AATF: variants seen among roughly 807,000 people sequenced by gnomAD.
AATF encodes the protein protein AATF.
In AATF, 48 loss-of-function variants were observed where a neutral mutation model predicts 63.7. The observed-to-expected ratio is 0.75, with a 90% confidence interval of 0.60 to 0.96. AATF has a LOEUF of 0.96. Ranked by LOEUF, AATF falls within the 40% of genes least tolerant of loss-of-function variation. The pLI is 0.00. For synonymous variants in AATF, 258 were observed against 247.7 expected (o/e 1.04, Z -0.39); for missense variants, 639 against 685.7 (o/e 0.93, Z 0.76).
intron 8 of AATF, among the ~76,000 whole-genome samples, chr17:37,015,697 G>T (rs1307113309): frequency 6.6e-6 from 1 of 152,116 alleles, no homozygotes; most frequent in African/African-American, 2.4e-5. Context: ...TAATTTTGGG[G>T]GTGGGAGGGC....
At chr17:37,028,506 C>G (rs1156386077) in intron 10 of AATF, among the ~76,000 whole-genome samples, 1 of 152,090 alleles carries the variant, frequency 6.6e-6, no homozygotes, top group Non-Finnish European at 1.5e-5. Context: ...AAGAATTAGA[C>G]TGGGCATGGT....
intron 5 of AATF, among the ~76,000 whole-genome samples, chr17:36,988,215 G>A (rs1346278424): frequency 1.3e-5 from 2 of 152,144 alleles, no homozygotes; most frequent in Non-Finnish European, 2.9e-5. Context: ...TACCCATGAG[G>A]CTGAGGCATG....
At chr17:37,016,686 A>C (rs186943514) in intron 8 of AATF, among the ~76,000 whole-genome samples, 51 of 152,282 alleles carry the variant, frequency 3.3e-4, no homozygotes, top group Admixed American at 3.1e-3. Context: ...GTAAAATTGA[A>C]TTCTTCAGCC....
intron 11 of AATF, among the ~76,000 whole-genome samples, chr17:37,041,520 T>C (rs1188760838): frequency 6.6e-6 from 1 of 152,208 alleles, no homozygotes; most frequent in Non-Finnish European, 1.5e-5. Flanking sequence ...TTTTCTTTTT[T>C]TTTGAGACGG....
At chr17:36,976,369 G>A (rs1040208196) in intron 4 of AATF, among the ~76,000 whole-genome samples, 2 of 152,144 alleles carry the variant, frequency 1.3e-5, no homozygotes, top group African/African-American at 4.8e-5. Flanking sequence ...GTGCTTAGGC[G>A]AGTGTGTGGT....
chr17:37,008,360 A>G (rs1446455141), intron 8 of AATF, among the ~76,000 whole-genome samples: 2 of 152,234 alleles, frequency 1.3e-5, no homozygotes, highest in African/African-American at 4.8e-5. Context: ...GTCTTAAACT[A>G]CACAGGTAGT....
intron 2 of AATF, among the ~76,000 whole-genome samples, chr17:36,951,969 T>G (rs992414336): frequency 3.3e-5 from 5 of 152,336 alleles, no homozygotes; most frequent in South Asian, 2.1e-4. Flanking sequence ...TGGAACAGAT[T>G]GGATAAACTG....
chr17:36,955,040 A>T (rs1256806281), intron 4 of AATF, among the ~76,000 whole-genome samples: 2 of 152,160 alleles, frequency 1.3e-5, no homozygotes. Context: ...GGCCTCCCAA[A>T]GTGTTGGGAT....
At chr17:37,050,348 A>G (rs80197277) in intron 11 of AATF, among the ~76,000 whole-genome samples, 148 of 152,314 alleles carry the variant, frequency 9.7e-4, no homozygotes, top group African/African-American at 3.4e-3. Context: ...AAATCTAACA[A>G]AGTTCAAATA....
chr17:36,984,423 TTC>T (rs1188417580), intron 4 of AATF, among the ~76,000 whole-genome samples: 5 of 152,148 alleles, frequency 3.3e-5, no homozygotes, highest in Non-Finnish European at 7.4e-5. Flanking sequence ...AAGAAAAAAG[TTC>T]TGTTTCTGAC....
chr17:36,966,092 G>A (rs1415658597), intron 4 of AATF, among the ~76,000 whole-genome samples: 1 of 151,730 alleles, frequency 6.6e-6, no homozygotes, highest in African/African-American at 2.4e-5. Context: ...CATTTTCTCT[G>A]TTCTCCTAGA....
chr17:36,970,006 A>G (rs2071026489), intron 4 of AATF, among the ~76,000 whole-genome samples: 1 of 152,220 alleles, frequency 6.6e-6, no homozygotes, highest in South Asian at 2.1e-4. Flanking sequence ...GTTGCTGAGT[A>G]GTATCCCATT....
rs191968285 is a variant in AATF at position 36,950,053 on chromosome 17, G to A, written c.92-161G>A. ...ACTTTCTGTTTAGAAACAGCAGTAA[G>A]ACAGTGTTCTACTTTGGGAGAGAGT... On this transcript the variant is annotated intron_variant, in intron 1 of 11. Coordinates refer to ENST00000619387, the MANE Select transcript of AATF (RefSeq NM_012138.4). Among the ~76,000 whole-genome samples, 138 of 152,372 alleles carry A rather than the reference G, an allele frequency of 9.1e-4. 1 individual carries two copies. Among genetic ancestry groups the A allele is most frequent in the African/African-American group, 3.1e-3 (129 of 41,580 alleles).
intron 4 of AATF, among the ~76,000 whole-genome samples, chr17:36,966,508 T>A (rs1321219478): frequency 6.6e-6 from 1 of 152,162 alleles, no homozygotes; most frequent in Non-Finnish European, 1.5e-5. Flanking sequence ...GCTCAAGTGA[T>A]CCTCCCGCCT....
chr17:37,016,008 G>T (rs549485276), intron 8 of AATF, among the ~76,000 whole-genome samples: 1 of 152,318 alleles, frequency 6.6e-6, no homozygotes, highest in Admixed American at 6.5e-5. Context: ...AAGTGGTTCT[G>T]CTCCTTCTCT....
chr17:37,056,637 C>G lies in AATF; in HGVS notation c.1656C>G (p.His552Gln), dbSNP rs530840597. 1.9e-6 allele frequency: 3 copies of G among 1,614,254 alleles called. No individual in the cohort carries two copies. In the South Asian group the frequency reaches 3.3e-5, roughly 18 times the overall value. The change falls in exon 12 of 12, where the codon CAC becomes CAG. Residue 552 changes from histidine (H) to glutamine (Q), a missense_variant. Physicochemically the swap from His to Gln is conservative, Grantham distance 24 (BLOSUM62 0). Transcript: ENST00000619387. ...ACCGCTCTCTTTTTGGCCAGCTCCA[C>G]CCTCCCGACGAAGGCCACGGGGATT... is the stretch of plus-strand genomic sequence containing the variant. ...ELYRSLFGQL[H>Q]PPDEGHGD
intron 4 of AATF, among the ~76,000 whole-genome samples, chr17:36,955,478 A>C (rs2070892130): frequency 6.6e-6 from 1 of 152,012 alleles, no homozygotes; most frequent in Non-Finnish European, 1.5e-5. Flanking sequence ...TTCTCTCTCA[A>C]ATAGATGACA....
intron 11 of AATF, among the ~76,000 whole-genome samples, chr17:37,048,804 T>C (rs1027358220): frequency 6.6e-6 from 1 of 152,184 alleles, no homozygotes; most frequent in African/African-American, 2.4e-5. Context: ...TGTTTCTCCT[T>C]TTAGGTCATA....
intron 4 of AATF, among the ~76,000 whole-genome samples, chr17:36,963,459 G>T (rs978259842): frequency 2.0e-5 from 3 of 152,188 alleles, no homozygotes; most frequent in Admixed American, 6.5e-5. Flanking sequence ...CACACATTAT[G>T]TACAATATAA....
Sources: gnomAD v4.1 joint callset for allele counts (sites outside exome capture counted in the v4.1 genomes callset) on GRCh38, gnomAD v4.1.1 for gene constraint, MANE v1.5 for transcripts, NCBI Gene and HGNC (gene_info 2026-07-23, HGNC 2026-07-21) for gene names.